The following COL8A1 variants were observed in gnomAD, a reference collection of about 807,000 sequenced individuals.
The protein encoded by COL8A1 is collagen alpha-1(VIII) chain.
Under a neutral mutation model 42.7 loss-of-function variants are expected in COL8A1, and 21 were observed. The observed-to-expected ratio is 0.49, with a 90% CI of 0.35 to 0.71. COL8A1 has a LOEUF of 0.71. COL8A1 is among the 30% of genes least tolerant of loss of function. The pLI is 0.01. For missense variants in COL8A1, 788 were observed against 962.4 expected (o/e 0.82, Z 2.40); for synonymous variants, 367 against 369.1 (o/e 0.99, Z 0.06).
At chr3:99,671,060 A>G (rs1005827707) in intron 1 of COL8A1, among the ~76,000 whole-genome samples, 1 of 151,870 alleles carries the variant, frequency 6.6e-6, no homozygotes. Flanking sequence ...CAAATTCTCT[A>G]TAAATCTACA....
intron 1 of COL8A1, among the ~76,000 whole-genome samples, chr3:99,740,046 G>T (rs552974142): frequency 6.6e-6 from 1 of 152,286 alleles, no homozygotes; most frequent in East Asian, 1.9e-4. Context: ...GGGGCAAAAT[G>T]TGCCAGTCTC....
chr3:99,744,492 C>T (rs1016307790), intron 1 of COL8A1, among the ~76,000 whole-genome samples: 3 of 152,154 alleles, frequency 2.0e-5, no homozygotes, highest in South Asian at 2.1e-4. Flanking sequence ...TAATTTATAA[C>T]TCAAATACTG....
At chr3:99,782,638 C>T (rs1255908218) in intron 2 of COL8A1, among the ~76,000 whole-genome samples, 1 of 152,122 alleles carries the variant, frequency 6.6e-6, no homozygotes, top group Non-Finnish European at 1.5e-5. Context: ...GTGATCCGCC[C>T]GCCTCAGCCT....
chr3:99,671,817 G>A (rs1938554700), intron 1 of COL8A1, among the ~76,000 whole-genome samples: 1 of 151,922 alleles, frequency 6.6e-6, no homozygotes, highest in South Asian at 2.1e-4. Flanking sequence ...CTACCACTGG[G>A]TGTATATATC....
intron 1 of COL8A1, among the ~76,000 whole-genome samples, chr3:99,687,245 T>C (rs1281834099): frequency 6.6e-6 from 1 of 152,248 alleles, no homozygotes; most frequent in Non-Finnish European, 1.5e-5. Flanking sequence ...AAGTCTTTCC[T>C]CAACTACTTA....
rs1942070551 is a variant in COL8A1 at position 99,794,796 on chromosome 3, G to A, written c.895G>A (p.Gly299Ser). ...GGCTCCAGGAGAACCTGGGCCACAA[G>A]GCCCTATTGGGGTACCGGGGGTTCA... Reference protein sequence around the residue: ...PGAPGEPGPQGPIGVPGVQGP... With the variant: ...PGAPGEPGPQSPIGVPGVQGP... Residue 299 changes from glycine to serine, a missense_variant, in exon 4 of 4, where the codon GGC (glycine) becomes AGC (serine). Physicochemically the swap from Gly to Ser is moderately conservative, Grantham distance 56. Around this residue, in one of 4 missense-constraint regions of COL8A1, gnomAD observed 421 missense variants for 553.1 expected, o/e 0.76. Coordinates refer to ENST00000652472, the MANE Select transcript of COL8A1 (RefSeq NM_020351.4). The surrounding 1 kb of genome is among the most constrained non-coding windows in gnomAD (Gnocchi z 4.3). 1.2e-6 allele frequency: 2 copies of A among 1,605,928 alleles called. No homozygotes were observed. The highest frequency in any genetic ancestry group is 1.7e-6 in the Non-Finnish European group (2 of 1,176,596).
chr3:99,651,370 C>A (rs775803485), intron 1 of COL8A1, among the ~76,000 whole-genome samples: 20 of 152,232 alleles, frequency 1.3e-4, no homozygotes, highest in Non-Finnish European at 2.6e-4. Flanking sequence ...AACCTCACCA[C>A]CTTTTAAAGA....
intron 1 of COL8A1, among the ~76,000 whole-genome samples, chr3:99,707,447 A>G (rs1199655744): frequency 6.6e-6 from 1 of 152,202 alleles, no homozygotes. Context: ...TCAAACCCTC[A>G]GTTAGCTAAC....
At chr3:99,709,391 C>T (rs527817209) in intron 1 of COL8A1, among the ~76,000 whole-genome samples, 1 of 152,240 alleles carries the variant, frequency 6.6e-6, no homozygotes, top group South Asian at 2.1e-4. Flanking sequence ...CTGGTAATGA[C>T]CTTTTTAATG....
chr3:99,794,936 A>T lies in COL8A1; in HGVS notation c.1035A>T (p.Pro345=). 1 of 1,594,438 alleles carries T rather than the reference A, an allele frequency of 6.3e-7. No homozygotes were observed. Among genetic ancestry groups the T allele is most frequent in the Non-Finnish European group, 8.5e-7 (1 of 1,170,918 alleles). Residue 345 remains proline (P), a synonymous_variant, in exon 4 of 4, where the codon CCA becomes CCT. Coordinates refer to ENST00000652472, the MANE Select transcript of COL8A1 (RefSeq NM_020351.4). This position sits in a 1 kb window ranked among gnomAD's most constrained non-coding sequence, Gnocchi z 4.3. ...GACTGCCAGGGCTACCAGGACCCCC[A>T]GGCCTTCCAGGGATTGGGAAACCAG... ...EQGLPGLPGP[P]GLPGIGKPGF...
At chr3:99,716,721 G>C (rs138599373) in intron 1 of COL8A1, among the ~76,000 whole-genome samples, 2 of 152,008 alleles carry the variant, frequency 1.3e-5, no homozygotes, top group African/African-American at 4.8e-5. Context: ...CATGACACTT[G>C]AACTGAGGAA....
intron 1 of COL8A1, chr3:99,691,520 T>C (rs942883034): frequency 2.6e-5 from 4 of 152,006 alleles, no homozygotes; most frequent in African/African-American, 9.7e-5. Context: ...GGAAGAAATG[T>C]AGAAACTCAG....
intron 1 of COL8A1, among the ~76,000 whole-genome samples, chr3:99,743,930 C>CT (rs1311089601): frequency 0.084 from 11,795 of 139,918 alleles, 582 homozygotes; most frequent in Middle Eastern, 0.11. Context: ...GTAGATAATT[C>CT]TTTTTTTTTT....
Position 99,796,062 on chromosome 3 carries a change from G to A in COL8A1, c.2161G>A (p.Glu721Lys), listed in dbSNP as rs763636624. Residue 721 changes from glutamate (E) to lysine (K), a missense_variant, in exon 4 of 4, where the codon GAA (glutamate) becomes AAA (lysine). Physicochemically the swap from Glu to Lys is moderately conservative, Grantham distance 56 (BLOSUM62 1). Transcript: ENST00000652472. ...GDRVFLQMPS[E>K]QAAGLYAGQY... ...CCGGGTGTTCCTCCAGATGCCCTCA[G>A]AACAGGCTGCAGGACTGTATGCCGG... is the stretch of plus-strand genomic sequence containing the variant. 1 of 1,610,854 alleles carries A rather than the reference G, an allele frequency of 6.2e-7. No homozygotes were observed. Among genetic ancestry groups the A allele is most frequent in the African/African-American group, 1.3e-5 (1 of 75,016 alleles).
At chr3:99,663,547 G>GCTCTA (rs1226337076) in intron 1 of COL8A1, among the ~76,000 whole-genome samples, 1 of 151,196 alleles carries the variant, frequency 6.6e-6, no homozygotes, top group Admixed American at 6.6e-5. Context: ...GCTGTGGTAA[G>GCTCTA]CTCTATAAAT....
intron 1 of COL8A1, among the ~76,000 whole-genome samples, chr3:99,688,860 C>A (rs1256979361): frequency 6.6e-6 from 1 of 152,124 alleles, no homozygotes; most frequent in Non-Finnish European, 1.5e-5. Flanking sequence ...CCAGATATTT[C>A]TTTGCTGTAG....
chr3:99,734,623 G>A (rs1359077723), intron 1 of COL8A1, among the ~76,000 whole-genome samples: 1 of 152,024 alleles, frequency 6.6e-6, no homozygotes, highest in African/African-American at 2.4e-5. Flanking sequence ...GGATTGACTT[G>A]GCGATGCGGG....
At chr3:99,746,885 T>G (rs13088056) in intron 2 of COL8A1, among the ~76,000 whole-genome samples, 33,773 of 152,092 alleles carry the variant, frequency 0.22, 4,408 homozygotes, top group African/African-American at 0.35. Flanking sequence ...ATTGAAAAAA[T>G]AATAAAGAAT....
intron 1 of COL8A1, among the ~76,000 whole-genome samples, chr3:99,680,706 T>C: frequency 6.6e-6 from 1 of 152,328 alleles, no homozygotes. Flanking sequence ...TGTGAGATGG[T>C]ATCTCATTGT....
Sources: allele counts gnomAD v4.1 joint callset (sites outside exome capture counted in the v4.1 genomes callset), GRCh38; gene constraint gnomAD v4.1.1; regional missense constraint gnomAD v4.1.1; non-coding constraint Gnocchi (gnomAD v3.1); transcripts MANE v1.5; gene names NCBI Gene and HGNC (gene_info 2026-07-23, HGNC 2026-07-21).